The following RAB38 variants were observed in gnomAD, a reference collection of about 807,000 sequenced individuals.
RAB38 encodes the protein RAB38, member RAS oncogene family.
A neutral mutation model predicts 18.4 loss-of-function variants in RAB38; 15 were observed. The ratio of observed to expected loss-of-function variants is 0.82; its 90% CI spans 0.55 to 1.26. RAB38 has a LOEUF of 1.26. Among genes scored for constraint, RAB38 ranks in the 50% most tolerant of loss-of-function variants. The pLI is 0.00. For synonymous variants in RAB38, 101 were observed against 104.4 expected (o/e 0.97, Z 0.20); for missense variants, 294 against 267.4 (o/e 1.10, Z -0.69).
chr11:87,807,338 A>G, the RAB38 span, among the ~76,000 whole-genome samples: 19 of 152,232 alleles, frequency 1.2e-4, no homozygotes, highest in Admixed American at 3.3e-4. Flanking sequence ...ACCTAATACA[A>G]GGAGTAACTT....
At chr11:87,813,871 T>C in the RAB38 span, among the ~76,000 whole-genome samples, 70 of 152,310 alleles carry the variant, frequency 4.6e-4, no homozygotes, top group Non-Finnish European at 9.1e-4. Flanking sequence ...CGTTTATTGC[T>C]AAAGATTTAT....
chr11:88,056,825 A>T, the RAB38 span, among the ~76,000 whole-genome samples: 1 of 110,394 alleles, frequency 9.1e-6, no homozygotes, highest in African/African-American at 2.7e-5. Context: ...AAATAAATAA[A>T]TAAATAAATA....
chr11:88,132,261 A>G (rs567074213), intron 2 of RAB38, among the ~76,000 whole-genome samples: 1 of 152,316 alleles, frequency 6.6e-6, no homozygotes, highest in South Asian at 2.1e-4. Flanking sequence ...TATAACCATA[A>G]GGGAGAAAGT....
At chr11:87,971,030 C>G in the RAB38 span, among the ~76,000 whole-genome samples, 1 of 152,016 alleles carries the variant, frequency 6.6e-6, no homozygotes, top group South Asian at 2.1e-4. Context: ...TAGATGGGTA[C>G]TAAAAAGGCT....
chr11:87,857,343 T>C, the RAB38 span, among the ~76,000 whole-genome samples: 1 of 152,220 alleles, frequency 6.6e-6, no homozygotes, highest in Admixed American at 6.5e-5. Flanking sequence ...TGTGTCTTTA[T>C]AGCAGCATGA....
At chr11:88,068,043 G>C in the RAB38 span, among the ~76,000 whole-genome samples, 2 of 148,108 alleles carry the variant, frequency 1.4e-5, no homozygotes, top group African/African-American at 2.5e-5. Context: ...AGAACATTTA[G>C]CTTAACCCAT....
the RAB38 span, among the ~76,000 whole-genome samples, chr11:88,074,093 A>G: frequency 6.6e-6 from 1 of 152,086 alleles, no homozygotes; most frequent in African/African-American, 2.4e-5. Context: ...GAGAGAGTTG[A>G]GCAAGAGATA....
the RAB38 span, among the ~76,000 whole-genome samples, chr11:88,058,595 C>A: frequency 1.3e-5 from 2 of 152,032 alleles, no homozygotes; most frequent in African/African-American, 4.8e-5. Flanking sequence ...CAAGTGGATC[C>A]CATCCCTCAC....
chr11:88,076,408 C>T, the RAB38 span, among the ~76,000 whole-genome samples: 1 of 152,026 alleles, frequency 6.6e-6, no homozygotes, highest in Non-Finnish European at 1.5e-5. Context: ...CAGTGTAATA[C>T]TAGGAGTCCT....
the RAB38 span, among the ~76,000 whole-genome samples, chr11:88,064,918 C>T: frequency 6.6e-6 from 1 of 152,174 alleles, no homozygotes; most frequent in Non-Finnish European, 1.5e-5. Flanking sequence ...ATGGTGCTTA[C>T]AATCTTGTGA....
chr11:87,977,519 A>G, the RAB38 span, among the ~76,000 whole-genome samples: 1 of 102,892 alleles, frequency 9.7e-6, no homozygotes, highest in African/African-American at 3.9e-5. Context: ...ATGTAATTAT[A>G]TAGATAATAT....
chr11:87,921,842 C>A, the RAB38 span, among the ~76,000 whole-genome samples: 2 of 151,700 alleles, frequency 1.3e-5, no homozygotes, highest in African/African-American at 4.8e-5. Flanking sequence ...CTGTAAGTCC[C>A]ATTTTGAAGC....
At chr11:87,820,325 T>C in the RAB38 span, among the ~76,000 whole-genome samples, 1 of 152,178 alleles carries the variant, frequency 6.6e-6, no homozygotes, top group Non-Finnish European at 1.5e-5. Flanking sequence ...ACCTCTTCAA[T>C]ATAAGGATGA....
chr11:88,013,035 G>T, the RAB38 span, among the ~76,000 whole-genome samples: 1 of 152,146 alleles, frequency 6.6e-6, no homozygotes, highest in Non-Finnish European at 1.5e-5. Context: ...AAAATGAGAT[G>T]GTTGTCCCAG....
chr11:87,944,712 T>G, the RAB38 span, among the ~76,000 whole-genome samples: 5 of 152,174 alleles, frequency 3.3e-5, no homozygotes, highest in African/African-American at 1.2e-4. Context: ...TGGTGGATAT[T>G]TAGAGTCTTT....
the RAB38 span, among the ~76,000 whole-genome samples, chr11:88,037,395 C>A: frequency 2.0e-5 from 3 of 151,928 alleles, no homozygotes; most frequent in African/African-American, 7.2e-5. Flanking sequence ...CCAAAGAGCC[C>A]TAATTGTATT....
intron 2 of RAB38, among the ~76,000 whole-genome samples, chr11:88,126,315 G>T (rs1448633231): frequency 2.6e-5 from 4 of 152,110 alleles, no homozygotes; most frequent in Admixed American, 2.6e-4. Context: ...AATGTCCAAT[G>T]ATAGACTGGA....
chr11:87,963,055 A>C, the RAB38 span, among the ~76,000 whole-genome samples: 1 of 152,324 alleles, frequency 6.6e-6, no homozygotes, highest in African/African-American at 2.4e-5. Context: ...GCTATTTATG[A>C]ATCACAGTGT....
At chr11:87,843,045 G>T in the RAB38 span, among the ~76,000 whole-genome samples, 1 of 152,058 alleles carries the variant, frequency 6.6e-6, no homozygotes, top group African/African-American at 2.4e-5. Context: ...CCTCCCACAG[G>T]GTCTAGACAT....
Sources: allele counts gnomAD v4.1 joint callset (sites outside exome capture counted in the v4.1 genomes callset), GRCh38; gene constraint gnomAD v4.1.1; transcripts MANE v1.5; gene names NCBI Gene and HGNC (gene_info 2026-07-23, HGNC 2026-07-21).